EPHA3: variants seen among roughly 807,000 people sequenced by gnomAD.
EPHA3 encodes the protein EPH receptor A3.
EPHA3 carries 42 observed loss-of-function variants against 107.1 expected under a neutral mutation model. The ratio of observed to expected loss-of-function variants is 0.39; its 90% CI spans 0.31 to 0.51. The LOEUF is 0.51. EPHA3 is among the 20% of genes least tolerant of loss of function. EPHA3 has a pLI of 0.78. For synonymous variants in EPHA3, 461 were observed against 424.8 expected, an observed-to-expected ratio of 1.09 and a Z score of -1.05; for missense variants, 1,183 against 1,211.2, an observed-to-expected ratio of 0.98 and a Z score of 0.35.
intron 3 of EPHA3, among the ~76,000 whole-genome samples, chr3:89,293,990 G>T (rs1314478242): frequency 1.3e-5 from 2 of 152,108 alleles, no homozygotes; most frequent in East Asian, 1.9e-4. Context: ...ATGTAATGAA[G>T]TAGTATACTT....
chr3:89,180,088 G>C (rs536487155), intron 2 of EPHA3, among the ~76,000 whole-genome samples: 2 of 151,604 alleles, frequency 1.3e-5, no homozygotes, highest in South Asian at 4.1e-4. Flanking sequence ...TAGAAAACCT[G>C]TTCTATTTGT....
intron 5 of EPHA3, among the ~76,000 whole-genome samples, chr3:89,369,555 A>G (rs1232408188): frequency 1.3e-5 from 2 of 150,146 alleles, no homozygotes; most frequent in South Asian, 2.1e-4. Context: ...TAAAAACCCT[A>G]GAAGAAAACC....
chr3:89,292,497 T>G (rs566303505), intron 3 of EPHA3, among the ~76,000 whole-genome samples: 1 of 152,314 alleles, frequency 6.6e-6, no homozygotes, highest in Non-Finnish European at 1.5e-5. Flanking sequence ...ATGACTATAA[T>G]TTAGTAAAAC....
At chr3:89,181,376 A>T (rs867533787) in intron 2 of EPHA3, among the ~76,000 whole-genome samples, 2 of 152,078 alleles carry the variant, frequency 1.3e-5, no homozygotes. Context: ...TCTTACAGCA[A>T]AATATATCAG....
chr3:89,108,156 G>A (rs565510095), intron 1 of EPHA3, among the ~76,000 whole-genome samples: 2 of 152,284 alleles, frequency 1.3e-5, no homozygotes, highest in Admixed American at 6.5e-5. Flanking sequence ...TTGCCAAATA[G>A]CCAAGGCAGT....
At chr3:89,237,873 C>G (rs1311132838) in intron 3 of EPHA3, among the ~76,000 whole-genome samples, 1 of 151,470 alleles carries the variant, frequency 6.6e-6, no homozygotes, top group East Asian at 1.9e-4. Context: ...TAGCTACTTG[C>G]AAGACTGAGG....
chr3:89,422,712 T>C (rs1260041624), intron 11 of EPHA3, among the ~76,000 whole-genome samples: 1 of 151,472 alleles, frequency 6.6e-6, no homozygotes, highest in East Asian at 1.9e-4. Flanking sequence ...TGAAAATAAT[T>C]CTTTTTTTGC....
chr3:89,385,518 G>A (rs1269705431), intron 5 of EPHA3, among the ~76,000 whole-genome samples: 3 of 152,140 alleles, frequency 2.0e-5, no homozygotes, highest in Admixed American at 1.3e-4. Flanking sequence ...TTCAACTTCT[G>A]CCATGATTGT....
At chr3:89,407,751 T>C (rs1198549674) in intron 8 of EPHA3, among the ~76,000 whole-genome samples, 1 of 152,070 alleles carries the variant, frequency 6.6e-6, no homozygotes, top group East Asian at 1.9e-4. Context: ...CATAGAGACT[T>C]TACCCTTCAT....
At chr3:89,358,038 G>A (rs1362370363) in intron 5 of EPHA3, among the ~76,000 whole-genome samples, 2 of 151,166 alleles carry the variant, frequency 1.3e-5, no homozygotes, top group Non-Finnish European at 1.5e-5. Flanking sequence ...GTATATTCAT[G>A]TGCGTGTGTA....
chr3:89,185,479 A>G (rs1297124515), intron 2 of EPHA3, among the ~76,000 whole-genome samples: 1 of 152,088 alleles, frequency 6.6e-6, no homozygotes, highest in African/African-American at 2.4e-5. Context: ...ACAGATATCA[A>G]CAGATATTGT....
chr3:89,226,797 T>TTGAA (rs1459905150), intron 3 of EPHA3, among the ~76,000 whole-genome samples: 3 of 152,104 alleles, frequency 2.0e-5, no homozygotes, highest in Non-Finnish European at 4.4e-5. Context: ...AAACCAGTCC[T>TTGAA]TATTCAGCAC....
rs1316383286 is a variant in EPHA3 at position 89,431,286 on chromosome 3, T to C, written c.2273T>C (p.Leu758Ser). 1 of 1,613,564 alleles carries C rather than the reference T, an allele frequency of 6.2e-7. No homozygotes were observed. Among genetic ancestry groups the C allele is most frequent in the Admixed American group, 1.7e-5 (1 of 59,906 alleles). Reference sequence around the variant, plus strand: ...CGGAACATCTTGATCAACAGTAACTTGGTGTGTAAGGTTTCTGATTTCGGA... The same window carrying C: ...CGGAACATCTTGATCAACAGTAACTCGGTGTGTAAGGTTTCTGATTTCGGA... Reference protein sequence around the residue: ...AARNILINSNLVCKVSDFGLS... With the variant: ...AARNILINSNSVCKVSDFGLS... The change falls in exon 13 of 17, where the codon TTG becomes TCG. Residue 758 changes from leucine to serine, a missense_variant. Physicochemically the swap from Leu to Ser is moderately radical, Grantham distance 145 (BLOSUM62 -2). Transcript: ENST00000336596.
At chr3:89,113,769 C>CTG (rs1203631725) in intron 1 of EPHA3, among the ~76,000 whole-genome samples, 1 of 150,550 alleles carries the variant, frequency 6.6e-6, no homozygotes, top group African/African-American at 2.4e-5. Context: ...TGTTTCTCCT[C>CTG]AAGTTTACAC....
intron 2 of EPHA3, among the ~76,000 whole-genome samples, chr3:89,137,917 TG>T (rs1704350404): frequency 6.6e-6 from 1 of 152,002 alleles, no homozygotes; most frequent in African/African-American, 2.4e-5. Context: ...TGCAAAATTC[TG>T]GGCCCCAATC....
At chr3:89,395,751 C>G (rs890964616) in intron 5 of EPHA3, 86 bp from the exon 6 acceptor site, 3 of 1,488,224 alleles carry the variant, frequency 2.0e-6, no homozygotes, top group African/African-American at 2.8e-5. Flanking sequence ...TTTGCATGTT[C>G]CCTTCTCCCT....
chr3:89,190,473 T>G (rs1206340621), intron 2 of EPHA3, among the ~76,000 whole-genome samples: 1 of 152,152 alleles, frequency 6.6e-6, no homozygotes, highest in Non-Finnish European at 1.5e-5. Flanking sequence ...ATAAATATTG[T>G]TACAAGATAT....
intron 3 of EPHA3, among the ~76,000 whole-genome samples, chr3:89,223,052 A>C (rs918671207): frequency 4.6e-5 from 7 of 152,220 alleles, no homozygotes; most frequent in Non-Finnish European, 7.3e-5. Flanking sequence ...CCCTTTCATT[A>C]ACATAATACA....
intron 5 of EPHA3, among the ~76,000 whole-genome samples, chr3:89,344,913 G>A (rs1707608465): frequency 6.6e-6 from 1 of 151,550 alleles, no homozygotes; most frequent in African/African-American, 2.4e-5. Context: ...GTATGTCAGT[G>A]AGATAAGAAA....
Sources: allele counts gnomAD v4.1 joint callset (sites outside exome capture counted in the v4.1 genomes callset), GRCh38; gene constraint gnomAD v4.1.1; transcripts MANE v1.5; gene names NCBI Gene and HGNC (gene_info 2026-07-23, HGNC 2026-07-21).